The following RAB4B variants were observed in gnomAD, a reference collection of about 807,000 sequenced individuals.
RAB4B encodes the protein ras-related protein Rab-4B.
In RAB4B, 15 loss-of-function variants were observed where a neutral mutation model predicts 28.3. The observed-to-expected ratio is 0.53, with a 90% CI of 0.35 to 0.82. The LOEUF is 0.82. Among genes scored for constraint, RAB4B ranks in the 40% least tolerant of loss-of-function variants. RAB4B has a pLI of 0.01. For synonymous variants in RAB4B, 108 were observed against 116.3 expected (o/e 0.93, Z 0.46); for missense variants, 244 against 288.5 (o/e 0.85, Z 1.12).
At chr19:40,779,952 A>T in intron 1 of RAB4B, 67 bp from the exon 2 acceptor site, 1 of 1,609,548 alleles carries the variant, frequency 6.2e-7, no homozygotes, top group Non-Finnish European at 8.5e-7. Context: ...TTGGATTGGA[A>T]TCCATCTTTT....
chr19:40,780,361 C>T, intron 2 of RAB4B, 24 bp from the exon 3 acceptor site: 3 of 1,576,302 alleles, frequency 1.9e-6, no homozygotes, highest in Non-Finnish European at 2.6e-6. Flanking sequence ...CCTGTACTGC[C>T]CCTTCTGTTC....
Position 40,783,957 on chromosome 19 carries a change from G to T in RAB4B, c.312G>T (p.Thr104=). Residue 104 remains threonine (T), a synonymous_variant, in exon 5 of 8, where the codon ACG becomes ACT. Transcript: ENST00000357052. ...ACAACTCACTGGCTGCCTGGCTGAC[G>T]GATGCCCGCACCCTGGCCAGCCCCA... ...ETYNSLAAWL[T]DARTLASPNI... is the part of the protein sequence containing the mutation. The T allele has an allele frequency of 6.2e-7, 1 of 1,613,230 alleles. No homozygotes were observed.
At chr19:40,794,418 G>A (rs2083189196) in intron 7 of RAB4B, 1 of 151,510 alleles carries the variant, frequency 6.6e-6, no homozygotes, top group African/African-American at 2.4e-5. Flanking sequence ...TAATTTTGTA[G>A]AGATGGTGTC....
intron 5 of RAB4B, among the ~76,000 whole-genome samples, chr19:40,784,840 C>CTTTT (rs1182284828): frequency 2.9e-5 from 4 of 139,302 alleles, no homozygotes; most frequent in Non-Finnish European, 4.7e-5. Flanking sequence ...GTGAAAGGCA[C>CTTTT]TTTTTTTTTT....
At position 40,780,445 on chromosome 19, in the gene RAB4B, G is replaced by A; in HGVS notation, c.158G>A (p.Gly53Asp). 6.2e-7 allele frequency: 1 copy of A among 1,613,812 alleles called. No homozygotes were observed. The highest frequency in any genetic ancestry group is 8.5e-7 in the Non-Finnish European group (1 of 1,179,904). ...VEFGSRVVNV[G>D]GKTVKLQIWD... ...TTTGGATCCCGGGTGGTCAACGTGG[G>A]TGGGAAGACTGTGAAGCTACAGATT... The change falls in exon 3 of 8, where the codon GGT becomes GAT. Residue 53 changes from glycine to aspartate, a missense_variant. By Grantham distance (94) the Gly-to-Asp change is moderately conservative. Transcript: ENST00000357052.
chr19:40,790,664 CTTTTTTT>C (rs34206561), intron 7 of RAB4B, among the ~76,000 whole-genome samples: 1 of 111,512 alleles, frequency 9.0e-6, no homozygotes, highest in Admixed American at 1.1e-4. Context: ...TGAGCCTTTC[CTTTTTTT>C]TTTTTTTTTT....
intron 3 of RAB4B, among the ~76,000 whole-genome samples, chr19:40,783,171 A>T (rs11671836): frequency 0.027 from 3,564 of 133,060 alleles, 28 homozygotes; most frequent in African/African-American, 0.04. Context: ...AAAAAAAAAA[A>T]AGAAAAAGGA....
chr19:40,780,572 T>TGACTCTA, intron 3 of RAB4B, 73 bp downstream of exon 3: 1 of 1,306,424 alleles, frequency 7.7e-7, no homozygotes, highest in Non-Finnish European at 1.1e-6. Context: ...GTGTGTAGAG[T>TGACTCTA]CACTTGGAGA....
At chr19:40,792,630 A>C (rs576723758) in intron 7 of RAB4B, 1 of 152,342 alleles carries the variant, frequency 6.6e-6, no homozygotes, top group East Asian at 1.9e-4. Flanking sequence ...TTTTCCTACC[A>C]CCAGTATTCT....
rs770021790 is a variant in RAB4B at position 40,779,979 on chromosome 19, C to T, written c.17-40C>T. The T allele has an allele frequency of 2.5e-6, 4 of 1,609,932 alleles. No homozygotes were observed. The African/African-American group carries it at 5.3e-5, about 22-fold the overall frequency. On this transcript the variant is annotated intron_variant, in intron 1 of 7. Coordinates refer to ENST00000357052, the MANE Select transcript of RAB4B (RefSeq NM_016154.5). ...CCATCTTTTTTCCCTGTATCTTTCT[C>T]TCCCTGTGGGTATCCCTGATTTTGG...
chr19:40,786,524 G>C, intron 5 of RAB4B, 141 bp from the exon 6 acceptor site: 4 of 1,287,334 alleles, frequency 3.1e-6, no homozygotes, highest in Non-Finnish European at 4.3e-6. Flanking sequence ...TTAGTGGCAG[G>C]GAAATGGCAT....
intron 7 of RAB4B, among the ~76,000 whole-genome samples, chr19:40,788,108 C>CCCTG (rs1411955043): frequency 1.3e-5 from 2 of 152,016 alleles, no homozygotes; most frequent in Non-Finnish European, 2.9e-5. Flanking sequence ...GTGTGCCAGG[C>CCCTG]CCTGCTCAAG....
chr19:40,779,092 AAG>A (rs2083023398), intron 1 of RAB4B: 9 of 917,068 alleles, frequency 9.8e-6, no homozygotes, highest in Non-Finnish European at 1.2e-5. Flanking sequence ...GAATAGACTG[AAG>A]GTCAGGAGCT....
chr19:40,787,961 CAAAAAAAAAAA>C (rs56997006), intron 7 of RAB4B, among the ~76,000 whole-genome samples: 10 of 69,460 alleles, frequency 1.4e-4, no homozygotes, highest in African/African-American at 2.8e-4. Flanking sequence ...GACTCTGTCT[CAAAAAAAAAAA>C]AAAAAAAAAA....
At position 40,780,461 on chromosome 19, in the gene RAB4B, G is replaced by T; in HGVS notation, c.174G>T (p.Lys58Asn). The change falls in exon 3 of 8, where the codon AAG becomes AAT. Residue 58 changes from lysine (K) to asparagine (N), a missense_variant. By Grantham distance (94) the Lys-to-Asn change is moderately conservative. Transcript: ENST00000357052. ...TCAACGTGGGTGGGAAGACTGTGAA[G>T]CTACAGATTTGGGACACGGCTGGCC... ...RVVNVGGKTV[K>N]LQIWDTAGQE... 1 of 1,613,870 alleles carries T rather than the reference G, an allele frequency of 6.2e-7. No homozygotes were observed. Among genetic ancestry groups the T allele is most frequent in the Non-Finnish European group, 8.5e-7 (1 of 1,179,924 alleles).
In RAB4B at chr19:40,778,407, G is replaced by A. The variant is rs766806301; in HGVS notation, c.16+16G>A. On this transcript the variant is annotated intron_variant, in intron 1 of 7. Coordinates refer to ENST00000357052, the MANE Select transcript of RAB4B (RefSeq NM_016154.5). Reference sequence around the variant, plus strand: ...GAGACCTACGGTGAGGGTGGTGGACGAAGCTGGGGTCCTGGGTCTGGGCCC... The same window carrying A: ...GAGACCTACGGTGAGGGTGGTGGACAAAGCTGGGGTCCTGGGTCTGGGCCC... 16 of 1,456,942 alleles carry A rather than the reference G, an allele frequency of 1.1e-5. No homozygotes were observed. Among genetic ancestry groups the A allele is most frequent in the East Asian group, 5.5e-5 (2 of 36,470 alleles). The allele number at this position is 1,456,942 out of a possible 1,614,324, so 90.3% of individuals were successfully genotyped here.
intron 7 of RAB4B, chr19:40,794,881 A>G (rs1201325592): frequency 2.6e-5 from 4 of 151,250 alleles, no homozygotes; most frequent in Non-Finnish European, 5.9e-5. Flanking sequence ...ATGGTGGCTC[A>G]CGCCTGTGAT....
At chr19:40,783,538 C>G (rs1032589770) in intron 3 of RAB4B, among the ~76,000 whole-genome samples, 5 of 151,966 alleles carry the variant, frequency 3.3e-5, no homozygotes, top group Non-Finnish European at 5.9e-5. Flanking sequence ...AATGGAGATT[C>G]ATAAATAGAG....
chr19:40,786,813 A>G (rs1384950108), intron 6 of RAB4B, 35 bp from the exon 7 acceptor site: 1 of 1,614,096 alleles, frequency 6.2e-7, no homozygotes, highest in Admixed American at 1.7e-5. Flanking sequence ...GGGGGTCTCC[A>G]GGCAACCAAT....
Sources: allele counts gnomAD v4.1 joint callset (sites outside exome capture counted in the v4.1 genomes callset), GRCh38; gene constraint gnomAD v4.1.1; transcripts MANE v1.5; gene names NCBI Gene and HGNC (gene_info 2026-07-23, HGNC 2026-07-21).